ZMYM2: variants seen among roughly 807,000 people sequenced by gnomAD.
ZMYM2 encodes the protein zinc finger MYM-type protein 2.
In ZMYM2, 56 loss-of-function variants were observed where a neutral mutation model predicts 162.8. The ratio of observed to expected loss-of-function variants is 0.34; its 90% CI spans 0.28 to 0.43. The LOEUF (loss-of-function observed/expected upper bound fraction) is 0.43. Among genes scored for constraint, ZMYM2 ranks in the 20% least tolerant of loss-of-function variants. The pLI is 1.00. For missense variants in ZMYM2, 1,275 were observed against 1,621.8 expected, an observed-to-expected ratio of 0.79 and a Z score of 3.67; for synonymous variants, 510 against 541.6, an observed-to-expected ratio of 0.94 and a Z score of 0.81.
the ZMYM2 span, among the ~76,000 whole-genome samples, chr13:19,875,019 AG>A: frequency 6.6e-6 from 1 of 152,254 alleles, no homozygotes; most frequent in Non-Finnish European, 1.5e-5. Context: ...GATTTCTCAA[AG>A]AACTAAAAAT....
intron 6 of ZMYM2, among the ~76,000 whole-genome samples, chr13:20,011,288 C>T (rs1951158700): frequency 6.6e-6 from 1 of 152,030 alleles, no homozygotes; most frequent in Non-Finnish European, 1.5e-5. Flanking sequence ...GCTTGGGACC[C>T]AAAGTGTTTC....
chr13:19,868,753 T>C, the ZMYM2 span, among the ~76,000 whole-genome samples: 1 of 152,114 alleles, frequency 6.6e-6, no homozygotes, highest in African/African-American at 2.4e-5. Flanking sequence ...AAATTATTAT[T>C]ATTATTATTA....
intron 19 of ZMYM2, among the ~76,000 whole-genome samples, chr13:20,064,781 GTAGTAATAATTTATTTC>G (rs1220388255): frequency 1.0e-3 from 149 of 142,722 alleles, no homozygotes; most frequent in African/African-American, 1.8e-3. Flanking sequence ...AGTAATAATA[GTAGTAATAATTTATTTC>G]TAGTAATAAT....
the ZMYM2 span, among the ~76,000 whole-genome samples, chr13:19,885,903 A>ATGTGTG: frequency 5.0e-4 from 59 of 118,912 alleles, 16 homozygotes; most frequent in Non-Finnish European, 9.5e-4. Flanking sequence ...GTATACACAT[A>ATGTGTG]TATATGTATA....
intron 6 of ZMYM2, among the ~76,000 whole-genome samples, chr13:20,009,687 C>T (rs1436264387): frequency 1.3e-5 from 2 of 152,040 alleles, no homozygotes; most frequent in African/African-American, 2.4e-5. Context: ...GTTATTTTAC[C>T]TGAAAGCTGA....
intron 12 of ZMYM2, among the ~76,000 whole-genome samples, chr13:20,044,259 CAA>C (rs1210549381): frequency 6.6e-6 from 1 of 152,234 alleles, no homozygotes; most frequent in Non-Finnish European, 1.5e-5. Context: ...CCTGCCAACT[CAA>C]GTGTCCCTGC....
At chr13:19,951,866 C>G in the ZMYM2 span, among the ~76,000 whole-genome samples, 1 of 152,098 alleles carries the variant, frequency 6.6e-6, no homozygotes, top group Non-Finnish European at 1.5e-5. Flanking sequence ...ACCATGTGAT[C>G]CAGTAATCCC....
intron 18 of ZMYM2, among the ~76,000 whole-genome samples, chr13:20,063,345 G>C: frequency 6.8e-6 from 1 of 146,450 alleles, no homozygotes. Flanking sequence ...AGAGGTTGCA[G>C]TGAGCCGAGA....
At chr13:19,967,402 G>C (rs991633645) in intron 2 of ZMYM2, among the ~76,000 whole-genome samples, 2 of 151,920 alleles carry the variant, frequency 1.3e-5, no homozygotes, top group Non-Finnish European at 2.9e-5. Context: ...GCCAAAAAAA[G>C]CCATTTTTCT....
At chr13:19,870,719 C>T in the ZMYM2 span, among the ~76,000 whole-genome samples, 4 of 151,524 alleles carry the variant, frequency 2.6e-5, no homozygotes, top group Admixed American at 6.6e-5. Flanking sequence ...CTCTGCCACC[C>T]GGGTTCAAGC....
chr13:19,959,446 CTGGGTCTCTAATGGCGGACGGGGA>C (rs1954930665), intron 1 of ZMYM2, among the ~76,000 whole-genome samples: 1 of 152,120 alleles, frequency 6.6e-6, no homozygotes. Flanking sequence ...TATTGTTTGG[CTGGGTCTCTAATGGCGGACGGGGA>C]GGCAGCGCTG....
the ZMYM2 span, among the ~76,000 whole-genome samples, chr13:19,938,476 C>T: frequency 7.9e-5 from 12 of 152,074 alleles, no homozygotes; most frequent in Middle Eastern, 3.4e-3. Context: ...CCAGCCTGGG[C>T]GACAGAGCAA....
At chr13:20,000,383 G>C (rs530838037) in intron 3 of ZMYM2, among the ~76,000 whole-genome samples, 1 of 152,330 alleles carries the variant, frequency 6.6e-6, no homozygotes, top group South Asian at 2.1e-4. Context: ...GAAGATCTAA[G>C]ATAATTGATG....
the ZMYM2 span, among the ~76,000 whole-genome samples, chr13:19,935,246 G>T: frequency 6.6e-6 from 1 of 152,086 alleles, no homozygotes; most frequent in Non-Finnish European, 1.5e-5. Context: ...AGATTCTCCT[G>T]CCCCAGCCTC....
intron 2 of ZMYM2, among the ~76,000 whole-genome samples, chr13:19,987,728 G>A (rs879917596): frequency 9.3e-5 from 14 of 151,214 alleles, no homozygotes; most frequent in Non-Finnish European, 1.8e-4. Flanking sequence ...CAATCTGCCC[G>A]CCTCAGCCTC....
chr13:20,061,341 AGCATTGTAAC>A, intron 17 of ZMYM2, 117 bp downstream of exon 17: 1 of 1,167,470 alleles, frequency 8.6e-7, no homozygotes, highest in Non-Finnish European at 1.2e-6. Flanking sequence ...GGGTGAGGAA[AGCATTGTAAC>A]AAAAATGTTT....
chr13:20,022,118 A>G (rs1952163973), intron 7 of ZMYM2, among the ~76,000 whole-genome samples: 2 of 152,066 alleles, frequency 1.3e-5, no homozygotes, highest in African/African-American at 2.4e-5. Flanking sequence ...TTTGAAAACC[A>G]TTGTTTTTTT....
At chr13:19,905,081 G>A in the ZMYM2 span, among the ~76,000 whole-genome samples, 15 of 146,404 alleles carry the variant, frequency 1.0e-4, no homozygotes, top group African/African-American at 3.8e-4. Flanking sequence ...GCACGATCTC[G>A]GCTCACTGCA....
the ZMYM2 span, among the ~76,000 whole-genome samples, chr13:19,923,110 CG>C: frequency 4.1e-5 from 6 of 146,546 alleles, no homozygotes; most frequent in Admixed American, 7.0e-5. Context: ...GAGGCCGAGG[CG>C]GGGGGATCGC....
Sources: allele counts gnomAD v4.1 joint callset (sites outside exome capture counted in the v4.1 genomes callset), GRCh38; gene constraint gnomAD v4.1.1; transcripts MANE v1.5; gene names NCBI Gene and HGNC (gene_info 2026-07-23, HGNC 2026-07-21).